Variants in PDK3 observed in about 807,000 individuals in gnomAD.
PDK3 encodes the protein pyruvate dehydrogenase kinase, isozyme 3.
In PDK3, 12 loss-of-function variants were observed where a neutral mutation model predicts 32.0. The ratio of observed to expected loss-of-function variants is 0.37; its 90% confidence interval spans 0.24 to 0.61. The LOEUF (loss-of-function observed/expected upper bound fraction) is 0.61. PDK3 is among the 20% of genes least tolerant of loss of function. The pLI, the probability that PDK3 is intolerant of heterozygous loss-of-function variation, is 0.65. For synonymous variants in PDK3, 122 were observed against 116.3 expected (o/e 1.05, Z -0.31); for missense variants, 188 against 316.9 (o/e 0.59, Z 3.09).
chrX:24,467,971 AATAG>A (rs1326965194), intron 1 of PDK3, among the ~76,000 whole-genome samples: 1 of 111,911 alleles, frequency 8.9e-6, no homozygotes, highest in East Asian at 2.8e-4. Context: ...GCATAAACAA[AATAG>A]ATGGATGGAT....
intron 1 of PDK3, among the ~76,000 whole-genome samples, chrX:24,488,004 CAAAAAAAAAAAAA>C (rs34710130): frequency 7.3e-5 from 2 of 27,476 alleles, no homozygotes; most frequent in East Asian, 1.6e-3. Context: ...AACTCCATCT[CAAAAAAAAAAAAA>C]AAAAAAAAAA....
intron 6 of PDK3, among the ~76,000 whole-genome samples, chrX:24,520,324 G>A (rs1173837279): frequency 8.9e-6 from 1 of 112,133 alleles, no homozygotes; most frequent in Non-Finnish European, 1.9e-5. Context: ...TAACTGAATT[G>A]TGGTACACCC....
intron 1 of PDK3, among the ~76,000 whole-genome samples, chrX:24,467,329 C>A (rs757068155): frequency 5.3e-4 from 59 of 112,263 alleles, no homozygotes; most frequent in African/African-American, 1.8e-3. Flanking sequence ...CACCACTATA[C>A]GATTGTGATT....
chrX:24,496,771 C>T (rs867934013), intron 2 of PDK3, among the ~76,000 whole-genome samples: 920 of 35,065 alleles, frequency 0.026, 14 homozygotes, highest in Non-Finnish European at 0.032. Context: ...TCAAAATAAT[C>T]TTTTTTTTTT....
chrX:24,492,103 T>C (rs1437501600), intron 1 of PDK3, among the ~76,000 whole-genome samples: 2 of 112,487 alleles, frequency 1.8e-5, no homozygotes, highest in Admixed American at 9.4e-5. Flanking sequence ...AGCTAGACTT[T>C]TATTTTAACT....
chrX:24,500,764 T>C (rs1164436323), intron 3 of PDK3, among the ~76,000 whole-genome samples: 3 of 111,793 alleles, frequency 2.7e-5, no homozygotes, highest in Non-Finnish European at 5.6e-5. Flanking sequence ...GAAATCATTT[T>C]AGTAAAGCAA....
chrX:24,529,242 T>C (rs1922590470), intron 9 of PDK3, among the ~76,000 whole-genome samples: 2 of 112,179 alleles, frequency 1.8e-5, no homozygotes, highest in African/African-American at 6.5e-5. Flanking sequence ...TTCCAGGTCT[T>C]AAAATAGCAT....
In PDK3 at chrX:24,469,965, A is replaced by G. The variant is rs186977503; in HGVS notation, c.106+4404A>G. Reference sequence around the variant, plus strand: ...TACTCATTTAGCATGAATCCCATATACAGTACAATTTTATTATCTATTATA... The same window carrying G: ...TACTCATTTAGCATGAATCCCATATGCAGTACAATTTTATTATCTATTATA... On this transcript the variant is annotated intron_variant, in intron 1 of 10. Transcript: ENST00000379162. Among the ~76,000 whole-genome samples the G allele has an allele frequency of 4.8e-3, 541 of 111,824 alleles. 4 individuals are homozygous for G. The highest frequency in any genetic ancestry group is 0.017 in the African/African-American group (510 of 30,803).
chrX:24,494,500 C>T lies in PDK3; in HGVS notation c.107-242C>T, dbSNP rs186884858. Among the ~76,000 whole-genome samples, 275 of 111,775 alleles carry T rather than the reference C, an allele frequency of 2.5e-3. 1 individual carries two copies. Among genetic ancestry groups the T allele is most frequent in the African/African-American group, 8.2e-3 (252 of 30,784 alleles). ...GTATTGCCGCTGGTAACACTAGGAA[C>T]GTTTTTGTGTTAAGAAAAAAAAACT... On this transcript the variant is annotated intron_variant, in intron 1 of 10. Coordinates refer to ENST00000379162, the MANE Select transcript of PDK3 (RefSeq NM_005391.5).
At chrX:24,467,220 G>A (rs760892607) in intron 1 of PDK3, among the ~76,000 whole-genome samples, 6 of 112,376 alleles carry the variant, frequency 5.3e-5, no homozygotes, top group Non-Finnish European at 9.4e-5. Context: ...CACTAGCTCA[G>A]AATGTGGCCT....
intron 5 of PDK3, among the ~76,000 whole-genome samples, chrX:24,515,710 C>T (rs1267793599): frequency 8.9e-6 from 1 of 112,137 alleles, no homozygotes; most frequent in Non-Finnish European, 1.9e-5. Flanking sequence ...GATTTCTCTT[C>T]TTTTGACAAA....
chrX:24,547,806 AAATG>A (rs1923027081), exon 12 of PDK3: 1 of 113,003 alleles, frequency 8.8e-6, no homozygotes, highest in South Asian at 3.6e-4. Context: ...ATTTCTATAC[AAATG>A]ATGATTTTAA....
intron 1 of PDK3, among the ~76,000 whole-genome samples, chrX:24,474,986 A>T (rs1035993111): frequency 9.0e-6 from 1 of 111,546 alleles, no homozygotes; most frequent in Non-Finnish European, 1.9e-5. Context: ...TTTGGTTCCA[A>T]ATGACTCCCT....
Position 24,486,199 on chromosome X carries a change from G to T in PDK3, c.107-8543G>T, listed in dbSNP as rs149405616. On this transcript the variant is annotated intron_variant, in intron 1 of 10. Coordinates refer to ENST00000379162, the MANE Select transcript of PDK3 (RefSeq NM_005391.5). Reference sequence around the variant, plus strand: ...CCAGCTGTGTGACTTCTGAGCCTGGGTCATAAAAGGCCATGCGGCTGCTGT... The same window carrying T: ...CCAGCTGTGTGACTTCTGAGCCTGGTTCATAAAAGGCCATGCGGCTGCTGT... 9.0e-3 allele frequency among the ~76,000 whole-genome samples: 1,002 copies of T among 111,187 alleles called. 10 individuals carry two copies. Among genetic ancestry groups the T allele is most frequent in the African/African-American group, 0.031 (935 of 30,549 alleles).
At chrX:24,469,515 G>A in intron 1 of PDK3, among the ~76,000 whole-genome samples, 1 of 110,200 alleles carries the variant, frequency 9.1e-6, no homozygotes, top group Non-Finnish European at 1.9e-5. Flanking sequence ...TTAGGTGGGT[G>A]CCTGTAATTC....
chrX:24,540,647 A>G (rs1922868046), exon 12 of PDK3, among the ~76,000 whole-genome samples: 1 of 110,254 alleles, frequency 9.1e-6, no homozygotes, highest in Non-Finnish European at 1.9e-5. Context: ...ATCTTTAGAA[A>G]GAGCTCATCT....
intron 5 of PDK3, among the ~76,000 whole-genome samples, chrX:24,509,421 C>T (rs1273422448): frequency 2.7e-5 from 3 of 111,553 alleles, no homozygotes; most frequent in Non-Finnish European, 1.9e-5. Flanking sequence ...CTTGGAGTTC[C>T]TGGTGAAGCC....
chrX:24,531,898 A>C (rs1385328665), intron 10 of PDK3, 128 bp downstream of exon 10: 1 of 411,754 alleles, frequency 2.4e-6, no homozygotes, highest in Non-Finnish European at 4.3e-6. Context: ...TTCCCATGAA[A>C]ACCATGTTAT....
chrX:24,521,269 ACT>A (rs1371757210), intron 6 of PDK3, among the ~76,000 whole-genome samples: 1 of 84,356 alleles, frequency 1.2e-5, no homozygotes, highest in Non-Finnish European at 2.3e-5. Context: ...ACAGAGCAAG[ACT>A]CTGTCTCAAA....
Sources: allele counts gnomAD v4.1 joint callset (sites outside exome capture counted in the v4.1 genomes callset), GRCh38; gene constraint gnomAD v4.1.1; transcripts MANE v1.5; gene names NCBI Gene and HGNC (gene_info 2026-07-23, HGNC 2026-07-21).